Variants in SLC35F2 observed in about 807,000 individuals in gnomAD.
The protein encoded by SLC35F2 is solute carrier family 35 member F2.
A neutral mutation model predicts 38.1 loss-of-function variants in SLC35F2; 25 were observed. That is an observed-to-expected ratio of 0.66 (90% CI 0.48 to 0.92). SLC35F2 has a LOEUF of 0.92. Among genes scored for constraint, SLC35F2 ranks in the 40% least tolerant of loss-of-function variants. SLC35F2 has a pLI of 0.00. For synonymous variants in SLC35F2, 173 were observed against 181.7 expected, an observed-to-expected ratio of 0.95 and a Z score of 0.38; for missense variants, 409 against 452.9, an observed-to-expected ratio of 0.90 and a Z score of 0.88.
chr11:107,798,422 G>A (rs144034718), intron 7 of SLC35F2, among the ~76,000 whole-genome samples: 2 of 152,278 alleles, frequency 1.3e-5, no homozygotes, highest in African/African-American at 4.8e-5. Flanking sequence ...GCTTTTAAAT[G>A]TTCAGAAGAA....
At chr11:107,814,358 G>A (rs1859529108) in intron 2 of SLC35F2, among the ~76,000 whole-genome samples, 1 of 151,874 alleles carries the variant, frequency 6.6e-6, no homozygotes, top group Non-Finnish European at 1.5e-5. Flanking sequence ...GGGAGGCTGA[G>A]GCAAGAGAAT....
At chr11:107,832,248 C>T (rs1390962753) in intron 1 of SLC35F2, among the ~76,000 whole-genome samples, 2 of 152,154 alleles carry the variant, frequency 1.3e-5, no homozygotes, top group Non-Finnish European at 2.9e-5. Flanking sequence ...CCAATCAAGA[C>T]AGCTTCTACC....
intron 1 of SLC35F2, among the ~76,000 whole-genome samples, chr11:107,827,992 G>A (rs1267018226): frequency 2.6e-5 from 4 of 152,238 alleles, no homozygotes; most frequent in Non-Finnish European, 5.9e-5. Context: ...TCAGACCTGG[G>A]GCAGGAAATT....
chr11:107,831,446 A>G (rs994639925), intron 1 of SLC35F2, among the ~76,000 whole-genome samples: 3 of 152,138 alleles, frequency 2.0e-5, no homozygotes, highest in African/African-American at 7.2e-5. Flanking sequence ...GCTGGTCTCA[A>G]ACTCCCGGCC....
chr11:107,820,576 C>T (rs1485291469), intron 1 of SLC35F2, among the ~76,000 whole-genome samples: 1 of 152,094 alleles, frequency 6.6e-6, no homozygotes, highest in Admixed American at 6.5e-5. Flanking sequence ...CGTTCTATAT[C>T]TCTTTCTCCT....
chr11:107,829,418 CAA>C (rs67129262), intron 1 of SLC35F2, among the ~76,000 whole-genome samples: 4 of 137,194 alleles, frequency 2.9e-5, no homozygotes, highest in Non-Finnish European at 3.2e-5. Context: ...GACTACATCT[CAA>C]AAAAAAAAAA....
intron 7 of SLC35F2, among the ~76,000 whole-genome samples, chr11:107,798,252 C>T (rs1460844763): frequency 6.6e-6 from 1 of 152,172 alleles, no homozygotes; most frequent in Non-Finnish European, 1.5e-5. Context: ...GACCCACTCA[C>T]CTCAGTCTCC....
At chr11:107,807,816 C>A (rs1254029533) in intron 3 of SLC35F2, among the ~76,000 whole-genome samples, 1 of 152,184 alleles carries the variant, frequency 6.6e-6, no homozygotes, top group African/African-American at 2.4e-5. Context: ...GTCAGGTGAT[C>A]TGTCTGCCTC....
At chr11:107,822,757 T>C (rs1211811373) in intron 1 of SLC35F2, among the ~76,000 whole-genome samples, 1 of 151,814 alleles carries the variant, frequency 6.6e-6, no homozygotes, top group Non-Finnish European at 1.5e-5. Context: ...CACAATAAAA[T>C]GAGAAAGGGT....
At chr11:107,856,380 T>C (rs1860281553) in intron 1 of SLC35F2, among the ~76,000 whole-genome samples, 1 of 152,120 alleles carries the variant, frequency 6.6e-6, no homozygotes, top group African/African-American at 2.4e-5. Context: ...ACTGTTATTA[T>C]CTCCATTTTA....
chr11:107,808,195 G>A (rs1033035844), intron 3 of SLC35F2, among the ~76,000 whole-genome samples: 4 of 152,120 alleles, frequency 2.6e-5, no homozygotes, highest in Admixed American at 6.5e-5. Context: ...TCGTGCTCAT[G>A]GCAAATACTC....
At chr11:107,853,116 T>C (rs1860215119) in intron 1 of SLC35F2, among the ~76,000 whole-genome samples, 1 of 151,984 alleles carries the variant, frequency 6.6e-6, no homozygotes, top group Admixed American at 6.6e-5. Flanking sequence ...AGCAAAACAC[T>C]TTCTGGCACT....
intron 6 of SLC35F2, chr11:107,803,443 C>G (rs562528): frequency 0.53 from 521,003 of 982,996 alleles, 139,445 homozygotes; most frequent in Non-Finnish European, 0.55. Flanking sequence ...CTTAATCACC[C>G]CTTGCTATGC....
intron 1 of SLC35F2, among the ~76,000 whole-genome samples, chr11:107,832,881 T>TC (rs1265521936): frequency 6.6e-6 from 1 of 152,094 alleles, no homozygotes; most frequent in Non-Finnish European, 1.5e-5. Flanking sequence ...TTGGAAGGCT[T>TC]CCCCTCAACT....
In SLC35F2 at chr11:107,792,019, T is replaced by C. The variant is rs927769823; in HGVS notation, c.*596A>G. On this transcript the variant is annotated 3_prime_UTR_variant, in exon 8 of 8. Coordinates refer to ENST00000525815, the MANE Select transcript of SLC35F2 (RefSeq NM_017515.5). ...ATTGTGGGAAGGTTCCTAGGTTTAC[T>C]GCACTCCAGTTTAATGCTTGTATAG... is the stretch of plus-strand genomic sequence containing the variant. 2 of 152,158 alleles carry C rather than the reference T, an allele frequency of 1.3e-5. No individual in the cohort carries two copies. The highest frequency in any genetic ancestry group is 2.9e-5 in the Non-Finnish European group (2 of 68,096). 9.4% of individuals were successfully genotyped at this position (152,158 alleles called of 1,614,324 possible). A position where few individuals can be genotyped will look rare whatever the true frequency, so the allele number is the denominator to read the frequency against.
At chr11:107,830,803 C>T (rs1859827856) in intron 1 of SLC35F2, among the ~76,000 whole-genome samples, 1 of 151,632 alleles carries the variant, frequency 6.6e-6, no homozygotes, top group Non-Finnish European at 1.5e-5. Flanking sequence ...GTTCAGGTGT[C>T]TGATTAGTTA....
chr11:107,853,985 G>A (rs1258686655), intron 1 of SLC35F2, among the ~76,000 whole-genome samples: 1 of 152,134 alleles, frequency 6.6e-6, no homozygotes, highest in East Asian at 1.9e-4. Flanking sequence ...AGGAGGCCAA[G>A]ATGGGAGGAT....
chr11:107,838,452 G>A (rs973090121), intron 1 of SLC35F2, among the ~76,000 whole-genome samples: 2 of 151,858 alleles, frequency 1.3e-5, no homozygotes, highest in Non-Finnish European at 2.9e-5. Context: ...AGCCTCCCGA[G>A]TAGCTGGGAT....
chr11:107,851,335 C>T (rs1409424659), intron 1 of SLC35F2, among the ~76,000 whole-genome samples: 3 of 149,612 alleles, frequency 2.0e-5, no homozygotes, highest in Non-Finnish European at 3.0e-5. Flanking sequence ...TGGTGGCAGG[C>T]GCCTATAATC....
Sources: gnomAD v4.1 joint callset for allele counts (sites outside exome capture counted in the v4.1 genomes callset) on GRCh38, gnomAD v4.1.1 for gene constraint, MANE v1.5 for transcripts, NCBI Gene and HGNC (gene_info 2026-07-23, HGNC 2026-07-21) for gene names.